KANK2: variants seen among roughly 807,000 people sequenced by gnomAD.
KANK2 encodes KN motif and ankyrin repeat domain-containing protein 2.
A neutral mutation model predicts 74.6 loss-of-function variants in KANK2; 41 were observed. That is an observed-to-expected ratio of 0.55 (90% confidence interval 0.43 to 0.71). KANK2 has a LOEUF of 0.71. KANK2 is among the 30% of genes least tolerant of loss of function. The pLI, the probability that KANK2 is intolerant of heterozygous loss-of-function variation, is 0.00. For missense variants in KANK2, 1,148 were observed against 1,196.4 expected (o/e 0.96, Z 0.60); for synonymous variants, 537 against 519.0 (o/e 1.03, Z -0.47).
In KANK2 at chr19:11,172,185, C is replaced by T. The variant is rs539395483; in HGVS notation, c.2211+796G>A. On this transcript the variant is annotated intron_variant, in intron 10 of 12. Coordinates refer to ENST00000586659, the MANE Select transcript of KANK2 (RefSeq NM_001136191.3). ...AAAGGCAGGGTTTCACCATGTTGGTCAGGCTGGTCTTGAACTTCTGACCTC... is the reference window on the plus strand; with the variant it reads ...AAAGGCAGGGTTTCACCATGTTGGTTAGGCTGGTCTTGAACTTCTGACCTC... Among the ~76,000 whole-genome samples, 348 of 138,700 alleles carry T rather than the reference C, an allele frequency of 2.5e-3. 1 individual carries two copies. The highest frequency in any genetic ancestry group is 3.9e-3 in the Admixed American group (58 of 14,792). 91.0% of individuals were successfully genotyped at this position (138,700 alleles called of 152,430 possible).
At position 11,187,808 on chromosome 19, in the gene KANK2, C is replaced by G. The variant is rs2078719418; in HGVS notation, c.1249+5023G>C. Among the ~76,000 whole-genome samples the G allele has an allele frequency of 2.0e-5, 3 of 152,170 alleles. No homozygotes were observed. In the South Asian group the frequency reaches 6.2e-4, roughly 32 times the overall value. On this transcript the variant is annotated intron_variant, in intron 4 of 12. Coordinates refer to ENST00000586659, the MANE Select transcript of KANK2 (RefSeq NM_001136191.3). ...TATACGTCAATAAAATCAGAAAAAG[C>G]TGGGCACGGTGGCACACGCCTGCAA...
intron 4 of KANK2, among the ~76,000 whole-genome samples, chr19:11,187,893 GC>G (rs1431728609): frequency 6.6e-6 from 1 of 152,072 alleles, no homozygotes; most frequent in African/African-American, 2.4e-5. Flanking sequence ...TTCGAAACCA[GC>G]CTGGGCAACA....
In KANK2 at chr19:11,192,936, G is replaced by C. The variant is rs747135898; in HGVS notation, c.1144C>G (p.Gln382Glu). The part of the protein sequence containing the change: ...RPESPPVFRS[Q>E]EVVETMCPVP... The stretch of plus-strand genomic sequence containing the variant: ...GGGCACATTGTCTCCACCACCTCCT[G>C]GCTGCGGAACACAGGTGGGCTCTCA... Residue 382 changes from glutamine (Q) to glutamate (E), a missense_variant, in exon 4 of 13, where the codon CAG becomes GAG. Coordinates refer to ENST00000586659, the MANE Select transcript of KANK2 (RefSeq NM_001136191.3). The C allele has an allele frequency of 6.2e-7, 1 of 1,614,202 alleles. No homozygotes were observed. Among genetic ancestry groups the C allele is most frequent in the South Asian group, 1.1e-5 (1 of 91,088 alleles).
chr19:11,166,490 G>A lies in KANK2; in HGVS notation c.*68C>T. 1 of 1,451,714 alleles carries A rather than the reference G, an allele frequency of 6.9e-7. No individual in the cohort carries two copies. The highest frequency in any genetic ancestry group is 2.3e-5 in the East Asian group (1 of 44,154). The allele number at this position is 1,451,714 out of a possible 1,614,324, so 89.9% of individuals were successfully genotyped here. A position where few individuals can be genotyped will look rare whatever the true frequency, so the allele number is the denominator to read the frequency against. On this transcript the variant is annotated 3_prime_UTR_variant, in exon 13 of 13. Transcript: ENST00000586659. Reference sequence around the variant, plus strand: ...AGTGGGGTGGGCCAGGGAGGAACGGGAACAGGGAGGAGACGGGGACAAGGG... The same window carrying A: ...AGTGGGGTGGGCCAGGGAGGAACGGAAACAGGGAGGAGACGGGGACAAGGG...
Position 11,193,560 on chromosome 19 carries a change from G to C in KANK2, c.520C>G (p.Leu174Val). ...LPPPTPRSSG[L>V]STPVPPSAGH... Reference sequence around the variant, plus strand: ...GCACTGGGAGGCACCGGTGTGGACAGTCCTGAACTCCGTGGTGTCGGGGGT... The same window carrying C: ...GCACTGGGAGGCACCGGTGTGGACACTCCTGAACTCCGTGGTGTCGGGGGT... Residue 174 changes from leucine to valine, a missense_variant, in exon 4 of 13, where the codon CTG becomes GTG. Leu to Val is a conservative substitution (Grantham distance 32, BLOSUM62 1). Coordinates refer to ENST00000586659, the MANE Select transcript of KANK2 (RefSeq NM_001136191.3). This position sits in a 1 kb window ranked among gnomAD's most constrained non-coding sequence, Gnocchi z 9.6. 1.9e-6 allele frequency: 3 copies of C among 1,597,544 alleles called. No individual in the cohort carries two copies. The highest frequency in any genetic ancestry group is 2.2e-5 in the South Asian group (2 of 90,594).
At chr19:11,196,034 T>C (rs947967495) in intron 1 of KANK2, 3 of 151,716 alleles carry the variant, frequency 2.0e-5, no homozygotes, top group Non-Finnish European at 2.9e-5. Flanking sequence ...AATAGTATAG[T>C]AACAGTAATA....
rs950781604 is a variant in KANK2, at chr19:11,165,178, C to G, written c.*1380G>C. 1 of 152,156 alleles carries G rather than the reference C, an allele frequency of 6.6e-6. No homozygotes were observed. Among genetic ancestry groups the G allele is most frequent in the African/African-American group, 2.4e-5 (1 of 41,442 alleles). The allele number at this position is 152,156 out of a possible 1,614,324, so 9.4% of individuals were successfully genotyped here. On this transcript the variant is annotated 3_prime_UTR_variant, in exon 13 of 13. Transcript: ENST00000586659. Reference sequence around the variant, plus strand: ...AGCCCCGTTTCCCGCAGGCTCTGTTCCAGGCAGCTCCGGAAAGTCTCTAGG... The same window carrying G: ...AGCCCCGTTTCCCGCAGGCTCTGTTGCAGGCAGCTCCGGAAAGTCTCTAGG...
At position 11,192,812 on chromosome 19, in the gene KANK2, C is replaced by A. The variant is rs547668393; in HGVS notation, c.1249+19G>T. Reference sequence around the variant, plus strand: ...CCCCCCCCCAAGCCATTCTCCCCTGCCTGCCTGCGACCGCTTACCTGCTGC... The same window carrying A: ...CCCCCCCCCAAGCCATTCTCCCCTGACTGCCTGCGACCGCTTACCTGCTGC... On this transcript the variant is annotated intron_variant, in intron 4 of 12. Transcript: ENST00000586659. The A allele has an allele frequency of 1.2e-5, 18 of 1,560,888 alleles. No individual in the cohort carries two copies. In the South Asian group the frequency reaches 2.0e-4, roughly 17 times the overall value.
chr19:11,184,861 G>C lies in KANK2; in HGVS notation c.1250-6141C>G, dbSNP rs371261454. ...AGTCTCGCTCTTGTTGCCCAGGCTG[G>C]AGGGCAATGGCGTGATCTCAGCTCA... On this transcript the variant is annotated intron_variant, in intron 4 of 12. Transcript: ENST00000586659. Among the ~76,000 whole-genome samples, 20 of 148,140 alleles carry C rather than the reference G, an allele frequency of 1.4e-4. 3 individuals are homozygous for C. Among genetic ancestry groups the C allele is most frequent in the African/African-American group, 4.5e-4 (18 of 40,150 alleles).
intron 4 of KANK2, among the ~76,000 whole-genome samples, chr19:11,186,081 T>C (rs1047355920): frequency 6.6e-6 from 1 of 151,774 alleles, no homozygotes; most frequent in African/African-American, 2.4e-5. Flanking sequence ...AGCTGTCAGA[T>C]GGATAAAAAA....
At chr19:11,186,264 T>C (rs2081193) in intron 4 of KANK2, among the ~76,000 whole-genome samples, 1,811 of 151,532 alleles carry the variant, frequency 0.012, 37 homozygotes, top group East Asian at 0.07. Flanking sequence ...GGCGGGTGCC[T>C]GTAATCCCAG....
chr19:11,192,714 C>G, intron 4 of KANK2, 117 bp downstream of exon 4: 1 of 1,278,890 alleles, frequency 7.8e-7, no homozygotes, highest in Non-Finnish European at 1.1e-6. Context: ...GGATTACAGG[C>G]ATGCGCCACC....
intron 6 of KANK2, among the ~76,000 whole-genome samples, chr19:11,177,094 T>C (rs1263735281): frequency 4.3e-5 from 1 of 23,002 alleles, no homozygotes; most frequent in African/African-American, 2.5e-4. Context: ...CTCACCCTCC[T>C]TTTTTTTTTT....
Position 11,173,066 on chromosome 19 carries a change from G to A in KANK2, c.2126C>T (p.Ala709Val), listed in dbSNP as rs1428331331. ...RAGYSPIMLT[A>V]LATLKTQDDI... ...GTCCTGGGTCTTCAGGGTGGCCAGG[G>A]CGGTGAGCATAATAGGGCTGTAGCC... The change falls in exon 10 of 13, where the codon GCC (alanine) becomes GTC (valine). Residue 709 changes from alanine (A) to valine (V), a missense_variant. Coordinates refer to ENST00000586659, the MANE Select transcript of KANK2 (RefSeq NM_001136191.3). 5 of 1,614,138 alleles carry A rather than the reference G, an allele frequency of 3.1e-6. No individual in the cohort carries two copies. The highest frequency in any genetic ancestry group is 1.7e-5 in the Admixed American group (1 of 60,010).
chr19:11,193,145 T>A lies in KANK2; in HGVS notation c.935A>T (p.Asp312Val). The change falls in exon 4 of 13, where the codon GAC becomes GTC. Residue 312 changes from aspartate (D) to valine (V), a missense_variant. Physicochemically the swap from Asp to Val is radical, Grantham distance 152 (BLOSUM62 -3). Coordinates refer to ENST00000586659, the MANE Select transcript of KANK2 (RefSeq NM_001136191.3). This position sits in a 1 kb window ranked among gnomAD's most constrained non-coding sequence, Gnocchi z 9.6. ...CGGTGGCCAGGCCTGGGGCTGGGGG[T>A]CAGCCTGCCGGGCCTGAGCTGCCTG... ...ELQAAQARQA[D>V]PQPQAWPPPD... 6.2e-7 allele frequency: 1 copy of A among 1,606,962 alleles called. No homozygotes were observed. The highest frequency in any genetic ancestry group is 8.5e-7 in the Non-Finnish European group (1 of 1,176,916).
chr19:11,193,874 C>A lies in KANK2; in HGVS notation c.206G>T (p.Arg69Leu). The change falls in exon 4 of 13, where the codon CGC becomes CTC. Residue 69 changes from arginine (R) to leucine (L), a missense_variant. Physicochemically the swap from Arg to Leu is moderately radical, Grantham distance 102. Transcript: ENST00000586659. This position sits in a 1 kb window ranked among gnomAD's most constrained non-coding sequence, Gnocchi z 9.6. Reference sequence around the variant, plus strand: ...AGGGCCACGGGGCAGCGAGCTCAGGCGGGGGCGGCGCTGCACTGCCACGCG... The same window carrying A: ...AGGGCCACGGGGCAGCGAGCTCAGGAGGGGGCGGCGCTGCACTGCCACGCG... ...LRRVAVQRRPRLSSLPRGPGS... is the reference protein window; with the variant it reads ...LRRVAVQRRPLLSSLPRGPGS... 1.9e-6 allele frequency: 3 copies of A among 1,613,292 alleles called. No individual in the cohort carries two copies. The highest frequency in any genetic ancestry group is 2.5e-6 in the Non-Finnish European group (3 of 1,179,786).
chr19:11,189,347 A>AT (rs1024249888), intron 4 of KANK2, among the ~76,000 whole-genome samples: 5 of 151,934 alleles, frequency 3.3e-5, no homozygotes, highest in Non-Finnish European at 5.9e-5. Context: ...GCATAGAGAG[A>AT]TTTCATCGCT....
intron 4 of KANK2, among the ~76,000 whole-genome samples, chr19:11,185,108 TA>T (rs1422788996): frequency 6.7e-6 from 1 of 149,154 alleles, no homozygotes; most frequent in Non-Finnish European, 1.5e-5. Context: ...AGTCCAATCA[TA>T]GCTTGCTGCA....
At chr19:11,173,246 G>T in intron 9 of KANK2, 123 bp from the exon 10 acceptor site, 3 of 993,364 alleles carry the variant, frequency 3.0e-6, no homozygotes, top group Non-Finnish European at 4.3e-6. Flanking sequence ...TTTCTCAGAG[G>T]ACCCCACTCT....
Sources: gnomAD v4.1 joint callset for allele counts (sites outside exome capture counted in the v4.1 genomes callset) on GRCh38, gnomAD v4.1.1 for gene constraint, Gnocchi (gnomAD v3.1) non-coding constraint, MANE v1.5 for transcripts, NCBI Gene and HGNC (gene_info 2026-07-23, HGNC 2026-07-21) for gene names.